The following RBFOX1 variants were observed in gnomAD, a reference collection of about 807,000 sequenced individuals.
RBFOX1 encodes the protein RNA binding protein fox-1 homolog 1.
A neutral mutation model predicts 57.7 loss-of-function variants in RBFOX1; 8 were observed. The observed-to-expected ratio is 0.14, with a 90% CI of 0.08 to 0.25. RBFOX1 has a LOEUF of 0.25. Ranked by LOEUF, RBFOX1 falls within the 10% of genes least tolerant of loss-of-function variation. The pLI is 1.00. For synonymous variants in RBFOX1, 326 were observed against 222.4 expected (o/e 1.47, Z -4.15); for missense variants, 611 against 548.5 (o/e 1.11, Z -1.14).
chr16:5,271,703 C>T (rs2063012547), intron 1 of RBFOX1, among the ~76,000 whole-genome samples: 3 of 152,202 alleles, frequency 2.0e-5, no homozygotes, highest in South Asian at 4.1e-4. Flanking sequence ...AAAACTTATT[C>T]TTCCTATTGG....
chr16:5,320,072 A>T (rs1040162677), intron 1 of RBFOX1, among the ~76,000 whole-genome samples: 135 of 152,310 alleles, frequency 8.9e-4, no homozygotes, highest in African/African-American at 3.2e-3. Flanking sequence ...GGGGTTTGGC[A>T]AACACATGGC....
chr16:6,721,480 A>C (rs563154310), intron 3 of RBFOX1, among the ~76,000 whole-genome samples: 26 of 152,304 alleles, frequency 1.7e-4, no homozygotes, highest in Non-Finnish European at 3.2e-4. Flanking sequence ...ACCATTTTTA[A>C]GTGTACAGTT....
intron 4 of RBFOX1, among the ~76,000 whole-genome samples, chr16:7,337,165 C>G (rs1483001406): frequency 6.6e-6 from 1 of 152,132 alleles, no homozygotes; most frequent in Non-Finnish European, 1.5e-5. Context: ...CCCAAGGTCA[C>G]AAAGAATGCG....
At chr16:5,320,581 G>A (rs2151247401) in intron 1 of RBFOX1, among the ~76,000 whole-genome samples, 1 of 152,350 alleles carries the variant, frequency 6.6e-6, no homozygotes, top group African/African-American at 2.4e-5. Flanking sequence ...TGCCTGATCT[G>A]TGCAATGCAT....
At chr16:5,631,238 C>A (rs1404162294) in intron 3 of RBFOX1, among the ~76,000 whole-genome samples, 2 of 152,148 alleles carry the variant, frequency 1.3e-5, no homozygotes, top group Non-Finnish European at 2.9e-5. Flanking sequence ...GTCTTAGAGG[C>A]TCTCTCCAAT....
intron 4 of RBFOX1, among the ~76,000 whole-genome samples, chr16:7,373,467 C>T (rs139058405): frequency 6.6e-6 from 1 of 152,112 alleles, no homozygotes; most frequent in African/African-American, 2.4e-5. Context: ...TAAGTGATGT[C>T]CGTTCTCTCC....
chr16:6,652,205 C>G (rs1176182264), intron 2 of RBFOX1, among the ~76,000 whole-genome samples: 1 of 152,156 alleles, frequency 6.6e-6, no homozygotes, highest in Non-Finnish European at 1.5e-5. Flanking sequence ...AATCCCAGCA[C>G]TTTGGGAGGG....
chr16:7,645,250 A>C (rs78892722), intron 11 of RBFOX1, among the ~76,000 whole-genome samples: 6,257 of 152,262 alleles, frequency 0.041, 173 homozygotes, highest in South Asian at 0.16. Flanking sequence ...AAAGAGATTC[A>C]ATTATGGTGC....
intron 3 of RBFOX1, among the ~76,000 whole-genome samples, chr16:6,985,023 T>C (rs1050839330): frequency 6.1e-5 from 9 of 148,306 alleles, no homozygotes; most frequent in Non-Finnish European, 3.0e-5. Flanking sequence ...GGAAATATCC[T>C]GGCTTTGCTG....
At chr16:5,243,997 A>G (rs1404412097) in intron 1 of RBFOX1, among the ~76,000 whole-genome samples, 12 of 152,158 alleles carry the variant, frequency 7.9e-5, no homozygotes, top group Non-Finnish European at 1.2e-4. Flanking sequence ...CCTGGGCTCA[A>G]GTGATTCTCC....
chr16:6,654,682 A>G lies in RBFOX1; in HGVS notation c.-16+32A>G. Reference sequence around the variant, plus strand: ...CAATATTTTTCATTTTTAGGGTTGCAAACAAAACAAGAACTCTGTGAATTG... The same window carrying G: ...CAATATTTTTCATTTTTAGGGTTGCGAACAAAACAAGAACTCTGTGAATTG... On this transcript the variant is annotated intron_variant, in intron 3 of 15. Coordinates refer to ENST00000550418, the MANE Select transcript of RBFOX1 (RefSeq NM_018723.4). 4.1e-6 allele frequency: 6 copies of G among 1,477,276 alleles called. No individual in the cohort carries two copies. In the South Asian group the frequency reaches 6.5e-5, roughly 16 times the overall value. The allele number at this position is 1,477,276 out of a possible 1,614,324, so 91.5% of individuals were successfully genotyped here. A position where few individuals can be genotyped will look rare whatever the true frequency, so the allele number is the denominator to read the frequency against.
intron 2 of RBFOX1, among the ~76,000 whole-genome samples, chr16:6,541,018 T>G (rs1018565622): frequency 6.6e-6 from 1 of 152,174 alleles, no homozygotes; most frequent in African/African-American, 2.4e-5. Flanking sequence ...CATGAGTGAA[T>G]CAAGTTCTTA....
chr16:7,549,759 T>G (rs2085745524), intron 5 of RBFOX1, among the ~76,000 whole-genome samples: 1 of 152,232 alleles, frequency 6.6e-6, no homozygotes, highest in South Asian at 2.1e-4. Flanking sequence ...TGACCACTGA[T>G]TAGATTTGTG....
intron 3 of RBFOX1, among the ~76,000 whole-genome samples, chr16:7,025,364 C>T (rs1597339547): frequency 6.6e-6 from 1 of 152,126 alleles, no homozygotes; most frequent in African/African-American, 2.4e-5. Flanking sequence ...TGGCTGGCTT[C>T]TTTACTGCAA....
intron 2 of RBFOX1, among the ~76,000 whole-genome samples, chr16:6,346,827 A>G (rs1005499168): frequency 6.6e-6 from 1 of 152,010 alleles, no homozygotes; most frequent in African/African-American, 2.4e-5. Context: ...GATCTCTCAT[A>G]TATTACCAGA....
At chr16:6,983,788 T>C (rs1170521918) in intron 3 of RBFOX1, 2 of 152,446 alleles carry the variant, frequency 1.3e-5, no homozygotes, top group African/African-American at 4.8e-5. Flanking sequence ...TTGCATGCAC[T>C]ACTTGTGCCT....
At chr16:7,408,552 G>C (rs776650811) in intron 4 of RBFOX1, among the ~76,000 whole-genome samples, 2 of 152,186 alleles carry the variant, frequency 1.3e-5, no homozygotes, top group African/African-American at 2.4e-5. Flanking sequence ...CGATTGTCCT[G>C]AGTATTGCGA....
chr16:6,108,769 T>C (rs2096411290), intron 1 of RBFOX1, among the ~76,000 whole-genome samples: 1 of 152,162 alleles, frequency 6.6e-6, no homozygotes, highest in South Asian at 2.1e-4. Flanking sequence ...CTTGACTGGC[T>C]TGTGGCCACA....
chr16:6,527,116 T>C (rs1210472615), intron 2 of RBFOX1, among the ~76,000 whole-genome samples: 1 of 152,168 alleles, frequency 6.6e-6, no homozygotes, highest in Non-Finnish European at 1.5e-5. Context: ...AATTATTTTA[T>C]TTATTATTCA....
Sources: gnomAD v4.1 joint callset for allele counts (sites outside exome capture counted in the v4.1 genomes callset) on GRCh38, gnomAD v4.1.1 for gene constraint, MANE v1.5 for transcripts, NCBI Gene and HGNC (gene_info 2026-07-23, HGNC 2026-07-21) for gene names.